DOCK6: variants seen among roughly 807,000 people sequenced by gnomAD.
DOCK6 encodes the protein dedicator of cytokinesis 6.
In DOCK6, 167 loss-of-function variants were observed where a neutral mutation model predicts 230.3. That is an observed-to-expected ratio of 0.73 (90% confidence interval 0.64 to 0.82). DOCK6 has a LOEUF of 0.82. DOCK6 is among the 40% of genes least tolerant of loss of function. The pLI is 0.00. For synonymous variants in DOCK6, 1,148 were observed against 1,185.0 expected, an observed-to-expected ratio of 0.97 and a Z score of 0.64; for missense variants, 2,598 against 2,825.8, an observed-to-expected ratio of 0.92 and a Z score of 1.83.
At chr19:11,204,802 G>A (rs2079229957) in intron 39 of DOCK6, among the ~76,000 whole-genome samples, 1 of 152,120 alleles carries the variant, frequency 6.6e-6, no homozygotes, top group African/African-American at 2.4e-5. Flanking sequence ...TTGGCCTCTT[G>A]ATTAGCTGGG....
In DOCK6 at chr19:11,199,399, C is replaced by T. The variant is rs899403966; in HGVS notation, c.*98G>A. ...CAGCCCCAAGTACAGTGTGGTCACC[C>T]CACAGCCCAGTGGGCACCAGGGCAG... On this transcript the variant is annotated 3_prime_UTR_variant, in exon 48 of 48. Coordinates refer to ENST00000294618, the MANE Select transcript of DOCK6 (RefSeq NM_020812.4). 1 of 1,442,560 alleles carries T rather than the reference C, an allele frequency of 6.9e-7. No individual in the cohort carries two copies. Among genetic ancestry groups the T allele is most frequent in the Non-Finnish European group, 9.5e-7 (1 of 1,048,410 alleles). The allele number at this position is 1,442,560 out of a possible 1,614,324, so 89.4% of individuals were successfully genotyped here.
In DOCK6 at chr19:11,243,013, G is replaced by T; in HGVS notation, c.1480+46C>A. On this transcript the variant is annotated intron_variant, in intron 13 of 47. Transcript: ENST00000294618. This position sits in a 1 kb window ranked among gnomAD's most constrained non-coding sequence, Gnocchi z 6.3. Reference sequence around the variant, plus strand: ...TGCTCTCAGTGTAGGTTTGTTGAGTGGCTGAGTGAGAGTGATACTTCTTGT... The same window carrying T: ...TGCTCTCAGTGTAGGTTTGTTGAGTTGCTGAGTGAGAGTGATACTTCTTGT... 1 of 1,605,268 alleles carries T rather than the reference G, an allele frequency of 6.2e-7. No individual in the cohort carries two copies. The highest frequency in any genetic ancestry group is 1.1e-5 in the South Asian group (1 of 90,972).
chr19:11,221,813 C>T, intron 28 of DOCK6, 38 bp downstream of exon 28: 2 of 1,613,380 alleles, frequency 1.2e-6, no homozygotes, highest in Non-Finnish European at 1.7e-6. Flanking sequence ...GACCAAGTCC[C>T]TGGATCATGT....
chr19:11,236,401 C>A lies in DOCK6; in HGVS notation c.2337G>T (p.Val779=). The A allele has an allele frequency of 6.3e-7, 1 of 1,587,132 alleles. No individual in the cohort carries two copies. The highest frequency in any genetic ancestry group is 1.8e-5 in the Admixed American group (1 of 55,906). ...PEPLVAFSHH[V]LDKLVRLVIR... is the part of the protein sequence containing the mutation. Reference sequence around the variant, plus strand: ...TGACCAGACGCACGAGCTTGTCCAGCACGTGGTGGGAGAAGGCCACAAGGG... The same window carrying A: ...TGACCAGACGCACGAGCTTGTCCAGAACGTGGTGGGAGAAGGCCACAAGGG... The change falls in exon 20 of 48, where the codon GTG becomes GTT. Residue 779 remains valine, a synonymous_variant. Transcript: ENST00000294618. The surrounding 1 kb of genome is among the most constrained non-coding windows in gnomAD (Gnocchi z 5.2).
At position 11,200,931 on chromosome 19, in the gene DOCK6, G is replaced by T. The variant is rs2079159043; in HGVS notation, c.5810C>A (p.Ser1937Tyr). The change falls in exon 45 of 48, where the codon TCT (serine) becomes TAT (tyrosine). Residue 1937 changes from serine (S) to tyrosine (Y), a missense_variant. Ser to Tyr is a moderately radical substitution (Grantham distance 144, BLOSUM62 -2). Transcript: ENST00000294618. The surrounding 1 kb of genome is among the most constrained non-coding windows in gnomAD (Gnocchi z 4.3). ...AKMLQMVLQG[S>Y]VGPTVNQGPL... ...TGCCTGGTTCACGGTGGGCCCTACA[G>T]AGCCCTGAAGCACCATCTGTAGCAT... 2.5e-6 allele frequency: 4 copies of T among 1,613,934 alleles called. No individual in the cohort carries two copies. The highest frequency in any genetic ancestry group is 3.4e-6 in the Non-Finnish European group (4 of 1,179,858).
chr19:11,249,284 G>A (rs998204196), intron 6 of DOCK6, among the ~76,000 whole-genome samples: 3 of 151,890 alleles, frequency 2.0e-5, no homozygotes, highest in African/African-American at 7.3e-5. Context: ...AGGCTGAGGC[G>A]GGCAGATCAC....
intron 7 of DOCK6, among the ~76,000 whole-genome samples, chr19:11,246,416 A>AT (rs1236674171): frequency 6.6e-6 from 1 of 150,464 alleles, no homozygotes; most frequent in Non-Finnish European, 1.5e-5. Flanking sequence ...CTTGCTGTGA[A>AT]TTTTTTATTT....
At position 11,243,228 on chromosome 19, in the gene DOCK6, G is replaced by A; in HGVS notation, c.1386+30C>T. On this transcript the variant is annotated intron_variant, in intron 12 of 47. Transcript: ENST00000294618. This position sits in a 1 kb window ranked among gnomAD's most constrained non-coding sequence, Gnocchi z 6.3. Reference sequence around the variant, plus strand: ...AGGGCTAATGCAGCCAGCGGGGAGTGGGAGAGTCCCTGGCCCCAGGGTAGG... The same window carrying A: ...AGGGCTAATGCAGCCAGCGGGGAGTAGGAGAGTCCCTGGCCCCAGGGTAGG... 1.9e-6 allele frequency: 3 copies of A among 1,613,424 alleles called. No homozygotes were observed. The highest frequency in any genetic ancestry group is 1.7e-5 in the Admixed American group (1 of 59,904).
In DOCK6 at chr19:11,221,843, C is replaced by T. The variant is rs755936794; in HGVS notation, c.3550+8G>A. ...TCATGTGACCCCATCTTCCCCTGGC[C>T]CACTGACCAGCAAAGTCATGCAGCC... is the stretch of plus-strand genomic sequence containing the variant. On this transcript the variant is annotated splice_region_variant and intron_variant, in intron 28 of 47. Transcript: ENST00000294618. The T allele has an allele frequency of 1.2e-6, 2 of 1,613,684 alleles. No homozygotes were observed. Among genetic ancestry groups the T allele is most frequent in the Admixed American group, 1.7e-5 (1 of 60,024 alleles).
At chr19:11,221,186 A>G (rs1157136926) in intron 28 of DOCK6, 2 of 152,774 alleles carry the variant, frequency 1.3e-5, no homozygotes, top group East Asian at 1.9e-4. Flanking sequence ...AACAGAAGAC[A>G]TAAGTGGTGA....
At chr19:11,245,993 A>G in intron 7 of DOCK6, 115 bp from the exon 8 acceptor site, 1 of 1,172,602 alleles carries the variant, frequency 8.5e-7, no homozygotes, top group Non-Finnish European at 1.2e-6. Context: ...GCCACATGGA[A>G]CCGCCACTTA....
In DOCK6 at chr19:11,202,098, G is replaced by C. The variant is rs758639137; in HGVS notation, c.5479C>G (p.Pro1827Ala). 4.3e-6 allele frequency: 7 copies of C among 1,614,008 alleles called. No homozygotes were observed. Among genetic ancestry groups the C allele is most frequent in the Non-Finnish European group, 5.9e-6 (7 of 1,179,906 alleles). The change falls in exon 44 of 48, where the codon CCG (proline) becomes GCG (alanine). Residue 1827 changes from proline to alanine, a missense_variant. Transcript: ENST00000294618. The surrounding 1 kb of genome is among the most constrained non-coding windows in gnomAD (Gnocchi z 5.3). ...TTGAGCTCGTAGGTATCAAAGTACG[G>C]TTCCACATACGTGATCTGGATGTAG... is the stretch of plus-strand genomic sequence containing the variant. ...KAYIQITYVE[P>A]YFDTYELKDR...
rs1215047439 is a variant in DOCK6, at chr19:11,199,405, C to A, written c.*92G>T. On this transcript the variant is annotated 3_prime_UTR_variant, in exon 48 of 48. Coordinates refer to ENST00000294618, the MANE Select transcript of DOCK6 (RefSeq NM_020812.4). ...CAAGTACAGTGTGGTCACCCCACAG[C>A]CCAGTGGGCACCAGGGCAGACTCCC... The A allele has an allele frequency of 1.4e-6, 2 of 1,472,440 alleles. No homozygotes were observed. The highest frequency in any genetic ancestry group is 2.0e-5 in the Admixed American group (1 of 50,878). The allele number at this position is 1,472,440 out of a possible 1,614,324, so 91.2% of individuals were successfully genotyped here.
Position 11,237,792 on chromosome 19 carries a change from G to T in DOCK6, c.1833-13C>A, listed in dbSNP as rs778798871. Reference sequence around the variant, plus strand: ...GAACTCGGGGGACCTGGCAGAATCGGGCTGGGGGATCTGCTGGGGGCTGGG... The same window carrying T: ...GAACTCGGGGGACCTGGCAGAATCGTGCTGGGGGATCTGCTGGGGGCTGGG... On this transcript the variant is annotated splice_polypyrimidine_tract_variant and intron_variant, in intron 16 of 47. Transcript: ENST00000294618. The T allele has an allele frequency of 1.1e-5, 17 of 1,561,024 alleles. No homozygotes were observed. The highest frequency in any genetic ancestry group is 3.5e-5 in the South Asian group (3 of 84,546).
chr19:11,218,621 T>C (rs1387398416), intron 28 of DOCK6, among the ~76,000 whole-genome samples: 1 of 151,836 alleles, frequency 6.6e-6, no homozygotes, highest in African/African-American at 2.4e-5. Context: ...CTAATTTTTG[T>C]AGTTTTTGCA....
rs1405711465 is a variant in DOCK6, at chr19:11,217,343, G to C, written c.3599C>G (p.Thr1200Arg). ...SRLASMLDSD[T>R]EGEGDIAGTI... Reference sequence around the variant, plus strand: ...ACCCGCAATGTCCCCTTCGCCTTCTGTGTCTGAGTCAAGCATTGAGGCCAG... The same window carrying C: ...ACCCGCAATGTCCCCTTCGCCTTCTCTGTCTGAGTCAAGCATTGAGGCCAG... Residue 1200 changes from threonine (T) to arginine (R), a missense_variant, in exon 29 of 48, where the codon ACA becomes AGA. Transcript: ENST00000294618. 6.2e-7 allele frequency: 1 copy of C among 1,613,444 alleles called. No individual in the cohort carries two copies.
At chr19:11,240,040 G>A in intron 14 of DOCK6, 2 of 1,547,722 alleles carry the variant, frequency 1.3e-6, no homozygotes, top group Non-Finnish European at 8.7e-7. Flanking sequence ...AGGGATTCCT[G>A]GGATACAAGA....
chr19:11,234,087 T>C (rs2079810991), intron 21 of DOCK6, among the ~76,000 whole-genome samples: 1 of 151,778 alleles, frequency 6.6e-6, no homozygotes, highest in Non-Finnish European at 1.5e-5. Flanking sequence ...GCAACCTCCA[T>C]CTCCTGGGTT....
In DOCK6 at chr19:11,201,193, G is replaced by T; in HGVS notation, c.5689-141C>A. On this transcript the variant is annotated intron_variant, in intron 44 of 47. Transcript: ENST00000294618. This position sits in a 1 kb window ranked among gnomAD's most constrained non-coding sequence, Gnocchi z 4.3. ...ATGAACAGAATCTGGGGGCCTTCCT[G>T]GGTCTGACTCTGGGGGGGTCCAGCC... The T allele has an allele frequency of 9.0e-7, 1 of 1,110,962 alleles. No individual in the cohort carries two copies. The highest frequency in any genetic ancestry group is 1.3e-6 in the Non-Finnish European group (1 of 779,616). The allele number at this position is 1,110,962 out of a possible 1,614,324, so 68.8% of individuals were successfully genotyped here.
Sources: allele counts gnomAD v4.1 joint callset (sites outside exome capture counted in the v4.1 genomes callset), GRCh38; gene constraint gnomAD v4.1.1; non-coding constraint Gnocchi (gnomAD v3.1); transcripts MANE v1.5; gene names NCBI Gene and HGNC (gene_info 2026-07-23, HGNC 2026-07-21).